The following SGCZ variants were observed in gnomAD, a reference collection of about 807,000 sequenced individuals.
SGCZ encodes the protein zeta-sarcoglycan.
A neutral mutation model predicts 41.3 loss-of-function variants in SGCZ; 40 were observed. The ratio of observed to expected loss-of-function variants is 0.97; its 90% CI spans 0.75 to 1.26. The LOEUF is 1.26. SGCZ is among the 50% of genes most tolerant of loss of function. The probability of loss-of-function intolerance (pLI) is 0.00; values close to 1 mark genes in which losing one functional copy is unlikely to be tolerated. For missense variants in SGCZ, 552 were observed against 369.8 expected (o/e 1.49, Z -4.04); for synonymous variants, 206 against 137.5 (o/e 1.50, Z -3.49).
At chr8:14,294,887 T>C (rs1400471978) in intron 3 of SGCZ, among the ~76,000 whole-genome samples, 1 of 152,018 alleles carries the variant, frequency 6.6e-6, no homozygotes, top group Non-Finnish European at 1.5e-5. Flanking sequence ...AAAATGTCAA[T>C]AATAATAATA....
At chr8:14,325,416 A>C (rs1246827967) in intron 2 of SGCZ, among the ~76,000 whole-genome samples, 1 of 150,670 alleles carries the variant, frequency 6.6e-6, no homozygotes, top group Non-Finnish European at 1.5e-5. Flanking sequence ...TCCCAAAGCA[A>C]ATTTAGCTTT....
intron 1 of SGCZ, among the ~76,000 whole-genome samples, chr8:14,873,261 G>C (rs185350530): frequency 1.3e-3 from 201 of 152,216 alleles, no homozygotes; most frequent in African/African-American, 4.6e-3. Context: ...CACTTTAAAG[G>C]CTACAAAAGA....
At chr8:14,138,557 T>G (rs1252026637) in intron 5 of SGCZ, among the ~76,000 whole-genome samples, 2 of 148,214 alleles carry the variant, frequency 1.3e-5, no homozygotes, top group Non-Finnish European at 3.0e-5. Context: ...TCTGATAAAA[T>G]GGACTTCAAA....
At chr8:14,450,001 T>C (rs1226188088) in intron 2 of SGCZ, among the ~76,000 whole-genome samples, 3 of 152,310 alleles carry the variant, frequency 2.0e-5, no homozygotes, top group East Asian at 1.9e-4. Context: ...TATAATGCAA[T>C]GTAATATGAT....
At chr8:14,744,302 T>C (rs1799282189) in intron 1 of SGCZ, among the ~76,000 whole-genome samples, 1 of 152,112 alleles carries the variant, frequency 6.6e-6, no homozygotes, top group Non-Finnish European at 1.5e-5. Flanking sequence ...GTGCCTATAT[T>C]ATTCTAAAAA....
chr8:14,222,792 ATTTTTTTTTTTTTTTTTTTT>A (rs775444301), intron 4 of SGCZ, among the ~76,000 whole-genome samples: 4 of 48,856 alleles, frequency 8.2e-5, no homozygotes, highest in African/African-American at 1.8e-4. Flanking sequence ...AGTCACAGTG[ATTTTTTTTTTTTTTTTTTTT>A]TTTTTTTTTT....
At chr8:15,031,997 G>T (rs1803688980) in intron 1 of SGCZ, among the ~76,000 whole-genome samples, 1 of 150,158 alleles carries the variant, frequency 6.7e-6, no homozygotes, top group Non-Finnish European at 1.5e-5. Flanking sequence ...TACACCAAAT[G>T]TCGGACAGAA....
chr8:14,484,307 T>C (rs376745072), intron 2 of SGCZ, among the ~76,000 whole-genome samples: 2 of 152,270 alleles, frequency 1.3e-5, no homozygotes, highest in South Asian at 2.1e-4. Flanking sequence ...CAGAGAGAAA[T>C]GGTAAGAAGA....
intron 1 of SGCZ, among the ~76,000 whole-genome samples, chr8:14,720,697 G>T (rs1809856185): frequency 6.6e-6 from 1 of 152,022 alleles, no homozygotes; most frequent in Non-Finnish European, 1.5e-5. Context: ...CTTCCTCAGA[G>T]ATGAGTGGCT....
At chr8:14,359,616 A>T (rs191467736) in intron 2 of SGCZ, among the ~76,000 whole-genome samples, 1 of 151,982 alleles carries the variant, frequency 6.6e-6, no homozygotes, top group Non-Finnish European at 1.5e-5. Context: ...TAAACAATAC[A>T]CTCCTGAGAT....
chr8:14,315,203 G>A (rs1232254443), intron 3 of SGCZ, among the ~76,000 whole-genome samples: 1 of 152,078 alleles, frequency 6.6e-6, no homozygotes, highest in African/African-American at 2.4e-5. Flanking sequence ...TGCAAAATGG[G>A]AATAAAATGA....
At chr8:15,185,393 C>A (rs1014344133) in intron 1 of SGCZ, among the ~76,000 whole-genome samples, 1 of 152,172 alleles carries the variant, frequency 6.6e-6, no homozygotes, top group Admixed American at 6.6e-5. Context: ...GCTGCTGCAT[C>A]AGAAAAATAT....
At chr8:14,333,238 A>T (rs1802399766) in intron 2 of SGCZ, among the ~76,000 whole-genome samples, 1 of 152,096 alleles carries the variant, frequency 6.6e-6, no homozygotes, top group South Asian at 2.1e-4. Flanking sequence ...CTGTAAAAGA[A>T]TACTATATCG....
chr8:14,758,431 C>T (rs1390679807), intron 1 of SGCZ, among the ~76,000 whole-genome samples: 1 of 152,130 alleles, frequency 6.6e-6, no homozygotes, highest in East Asian at 1.9e-4. Context: ...TCTTCCCTCT[C>T]CTCCAATAAT....
rs1292866177 is a variant in SGCZ at position 15,044,043 on chromosome 8, T to C, written c.39+193542A>G. On this transcript the variant is annotated intron_variant, in intron 1 of 7. Transcript: ENST00000382080. ...CTCTGCCTATATTGCCATGCTTTCC[T>C]GCAAAATAAAGCTTAATTGCTATCC... 3.3e-5 allele frequency among the ~76,000 whole-genome samples: 5 copies of C among 152,192 alleles called. No homozygotes were observed. In the East Asian group the frequency reaches 9.6e-4, roughly 29 times the overall value.
intron 1 of SGCZ, among the ~76,000 whole-genome samples, chr8:14,827,236 C>CTTTTTTT (rs36071307): frequency 9.8e-5 from 12 of 122,322 alleles, no homozygotes; most frequent in Non-Finnish European, 1.8e-4. Context: ...CTTTTCTTTT[C>CTTTTTTT]TTTTTTTTTT....
chr8:14,496,050 G>C (rs986312671), intron 2 of SGCZ, among the ~76,000 whole-genome samples: 11 of 152,096 alleles, frequency 7.2e-5, no homozygotes, highest in African/African-American at 2.6e-4. Context: ...AAGATCGTGT[G>C]GTCTCCTAGT....
intron 5 of SGCZ, among the ~76,000 whole-genome samples, chr8:14,160,252 AC>A (rs1803999497): frequency 6.6e-6 from 1 of 152,204 alleles, no homozygotes; most frequent in African/African-American, 2.4e-5. Flanking sequence ...GATGTCTTTC[AC>A]TTTTTAAAGC....
chr8:14,319,579 A>T (rs995222606), intron 3 of SGCZ: 1 of 152,058 alleles, frequency 6.6e-6, no homozygotes, highest in Admixed American at 6.6e-5. Flanking sequence ...ACTAGGAGGG[A>T]AGGAATGATT....
Sources: gnomAD v4.1 joint callset for allele counts (sites outside exome capture counted in the v4.1 genomes callset) on GRCh38, gnomAD v4.1.1 for gene constraint, MANE v1.5 for transcripts, NCBI Gene and HGNC (gene_info 2026-07-23, HGNC 2026-07-21) for gene names.